Variants in EXOC2 observed in about 807,000 individuals in gnomAD.
EXOC2 encodes exocyst complex component 2.
EXOC2 carries 70 observed loss-of-function variants against 131.8 expected under a neutral mutation model. The observed-to-expected ratio is 0.53, with a 90% CI of 0.44 to 0.65. The LOEUF is 0.65. EXOC2 is among the 30% of genes least tolerant of loss of function. The probability of loss-of-function intolerance (pLI) is 0.00; values close to 1 mark genes in which losing one functional copy is unlikely to be tolerated. For synonymous variants in EXOC2, 411 were observed against 398.4 expected (o/e 1.03, Z -0.38); for missense variants, 923 against 1,108.6 (o/e 0.83, Z 2.38).
At chr6:513,671 T>C (rs1764978235) in intron 23 of EXOC2, among the ~76,000 whole-genome samples, 1 of 152,110 alleles carries the variant, frequency 6.6e-6, no homozygotes, top group Non-Finnish European at 1.5e-5. Context: ...TGACAGCAAT[T>C]TCAAAAAAGA....
Position 566,907 on chromosome 6 carries a change from G to A in EXOC2, c.1444-1978C>T, listed in dbSNP as rs753138522. On this transcript the variant is annotated intron_variant, in intron 13 of 27. Coordinates refer to ENST00000230449, the MANE Select transcript of EXOC2 (RefSeq NM_018303.6). ...GCTCTTTCTTAGGTCTTTCTGGCTT[G>A]GCATACGGCACTCCTGCTCAGGAGC... 7.9e-5 allele frequency among the ~76,000 whole-genome samples: 12 copies of A among 152,104 alleles called. 1 individual carries two copies. The highest frequency in any genetic ancestry group is 2.6e-4 in the Admixed American group (4 of 15,278).
At chr6:599,606 A>G (rs1180595401) in intron 7 of EXOC2, among the ~76,000 whole-genome samples, 3 of 152,226 alleles carry the variant, frequency 2.0e-5, no homozygotes, top group Non-Finnish European at 4.4e-5. Flanking sequence ...ACACGTGTAC[A>G]TTAGCTAAAT....
intron 17 of EXOC2, among the ~76,000 whole-genome samples, chr6:559,576 A>T (rs3757114): frequency 6.6e-6 from 1 of 151,966 alleles, no homozygotes; most frequent in Non-Finnish European, 1.5e-5. Flanking sequence ...TCGTCCCTGC[A>T]GATAGTTATG....
chr6:522,289 T>C lies in EXOC2; in HGVS notation c.2380+10180A>G, dbSNP rs1369215986. 2.1e-5 allele frequency among the ~76,000 whole-genome samples: 3 copies of C among 143,384 alleles called. No homozygotes were observed. In the East Asian group the frequency reaches 6.2e-4, roughly 30 times the overall value. 94.1% of individuals were successfully genotyped at this position (143,384 alleles called of 152,430 possible). A position where few individuals can be genotyped will look rare whatever the true frequency, so the allele number is the denominator to read the frequency against. On this transcript the variant is annotated intron_variant, in intron 23 of 27. Coordinates refer to ENST00000230449, the MANE Select transcript of EXOC2 (RefSeq NM_018303.6). ...TCCACGCGGACTGCAGGACAGCGTG[T>C]GGGGGAGCATTGAGCTGGGCTGGGC...
chr6:504,075 G>C (rs1208907691), intron 23 of EXOC2, among the ~76,000 whole-genome samples: 2 of 152,240 alleles, frequency 1.3e-5, no homozygotes, highest in Admixed American at 1.3e-4. Flanking sequence ...GCTCCATGCA[G>C]CTCTGACGGC....
rs764281670 is a variant in EXOC2, at chr6:556,574, A to T, written c.1852-10T>A. The T allele has an allele frequency of 2.5e-6, 4 of 1,614,084 alleles. No homozygotes were observed. Among genetic ancestry groups the T allele is most frequent in the African/African-American group, 1.3e-5 (1 of 75,042 alleles). ...GTTCAAACTGACATGGCTGAAGGGA[A>T]AACAGCATATTGTAAAACTCAAAAA... On this transcript the variant is annotated splice_polypyrimidine_tract_variant and intron_variant, in intron 17 of 27. Transcript: ENST00000230449.
chr6:555,834 G>T (rs1340819714), intron 19 of EXOC2, 120 bp downstream of exon 19: 3 of 998,862 alleles, frequency 3.0e-6, no homozygotes, highest in African/African-American at 1.6e-5. Flanking sequence ...TATGTACACA[G>T]ACAAGATGAA....
At chr6:658,645 T>TTATATA (rs373868934) in intron 1 of EXOC2, among the ~76,000 whole-genome samples, 33 of 118,332 alleles carry the variant, frequency 2.8e-4, no homozygotes, top group Middle Eastern at 4.5e-3. Flanking sequence ...TATATATATT[T>TTATATA]TATATATATA....
Position 660,776 on chromosome 6 carries a change from C to T in EXOC2, c.-43-22915G>A, listed in dbSNP as rs866488545. 3.0e-4 allele frequency among the ~76,000 whole-genome samples: 46 copies of T among 152,062 alleles called. No individual in the cohort carries two copies. The Middle Eastern group carries it at 0.01, about 34-fold the overall frequency. On this transcript the variant is annotated intron_variant, in intron 1 of 27. Coordinates refer to ENST00000230449, the MANE Select transcript of EXOC2 (RefSeq NM_018303.6). ...CCCCGAAAAAATCACACTAGTTCAC[C>T]AGCTATGGATCTAAACCATGAAGGA... is the stretch of plus-strand genomic sequence containing the variant.
rs148760465 is a variant in EXOC2 at position 683,986 on chromosome 6, C to G, written c.-44+9033G>C. Among the ~76,000 whole-genome samples, 237 of 152,348 alleles carry G rather than the reference C, an allele frequency of 1.6e-3. 2 individuals carry two copies. The highest frequency in any genetic ancestry group is 5.4e-3 in the African/African-American group (225 of 41,572). On this transcript the variant is annotated intron_variant, in intron 1 of 27. Coordinates refer to ENST00000230449, the MANE Select transcript of EXOC2 (RefSeq NM_018303.6). ...TATGGAATCAAGCTCAGGAGAAACT[C>G]TGGGCACAATTCCGGCATCCGAAAT... is the stretch of plus-strand genomic sequence containing the variant.
At chr6:499,428 T>TG (rs1763911893) in intron 24 of EXOC2, among the ~76,000 whole-genome samples, 1 of 79,128 alleles carries the variant, frequency 1.3e-5, no homozygotes, top group Admixed American at 1.3e-4. Context: ...GACTCACAGT[T>TG]AAACACACAC....
At chr6:611,723 T>C (rs892977968) in intron 6 of EXOC2, among the ~76,000 whole-genome samples, 1 of 152,216 alleles carries the variant, frequency 6.6e-6, no homozygotes, top group Non-Finnish European at 1.5e-5. Flanking sequence ...TCTGAAAACA[T>C]CTTTAAGTAG....
At chr6:551,078 C>A (rs1235824055) in intron 21 of EXOC2, among the ~76,000 whole-genome samples, 1 of 152,228 alleles carries the variant, frequency 6.6e-6, no homozygotes, top group Non-Finnish European at 1.5e-5. Flanking sequence ...AGCACAGACT[C>A]TGGACCGTGG....
Position 561,004 on chromosome 6 carries a change from G to T in EXOC2, c.1851+1780C>A, listed in dbSNP as rs190502876. On this transcript the variant is annotated intron_variant, in intron 17 of 27. Transcript: ENST00000230449. The stretch of plus-strand genomic sequence containing the variant: ...ATTACAGGCATGAGCCACAGCACCC[G>T]GCCCAATTAAAATATTTTTATTAAA... Among the ~76,000 whole-genome samples the T allele has an allele frequency of 3.6e-3, 540 of 151,848 alleles. 2 individuals carry two copies. The highest frequency in any genetic ancestry group is 0.012 in the African/African-American group (516 of 41,390).
intron 11 of EXOC2, among the ~76,000 whole-genome samples, chr6:588,237 G>A (rs763951652): frequency 1.3e-5 from 2 of 152,138 alleles, no homozygotes. Context: ...ATGACAGAGG[G>A]AACAGTTAAG....
chr6:575,613 C>T (rs75402334), intron 12 of EXOC2, among the ~76,000 whole-genome samples: 1,845 of 152,262 alleles, frequency 0.012, 18 homozygotes, highest in African/African-American at 0.023. Flanking sequence ...TAGCAGATGC[C>T]GGCGCAATGC....
chr6:527,546 C>G (rs1360663024), intron 23 of EXOC2, among the ~76,000 whole-genome samples: 1 of 152,262 alleles, frequency 6.6e-6, no homozygotes, highest in East Asian at 1.9e-4. Flanking sequence ...AAGTTTCGCT[C>G]ACTGATGGAC....
intron 11 of EXOC2, among the ~76,000 whole-genome samples, chr6:584,632 TG>T (rs1759099612): frequency 1.3e-5 from 2 of 152,232 alleles, no homozygotes; most frequent in Non-Finnish European, 2.9e-5. Context: ...ACCACTCAGA[TG>T]GAACATACCA....
rs77559334 is a variant in EXOC2 at position 575,203 on chromosome 6, G to A, written c.1318+1554C>T. Among the ~76,000 whole-genome samples the A allele has an allele frequency of 8.3e-4, 127 of 152,236 alleles. 2 individuals are homozygous for A. The East Asian group carries it at 0.017, about 20-fold the overall frequency. ...GTTTCACCCATTGCCCGTGTGCCCC[G>A]AGAACACTCTTGTCTCTAATCCTAA... On this transcript the variant is annotated intron_variant, in intron 12 of 27. Transcript: ENST00000230449.
Sources: allele counts gnomAD v4.1 joint callset (sites outside exome capture counted in the v4.1 genomes callset), GRCh38; gene constraint gnomAD v4.1.1; transcripts MANE v1.5; gene names NCBI Gene and HGNC (gene_info 2026-07-23, HGNC 2026-07-21).